Variants in FBXL13 observed in about 807,000 individuals in gnomAD.
The protein encoded by FBXL13 is F-box and leucine rich repeat protein 13.
FBXL13 carries 67 observed loss-of-function variants against 83.6 expected under a neutral mutation model. That is an observed-to-expected ratio of 0.80 (90% CI 0.66 to 0.98). FBXL13 has a LOEUF of 0.98. FBXL13 is among the 50% of genes least tolerant of loss of function. The pLI, the probability that FBXL13 is intolerant of heterozygous loss-of-function variation, is 0.00. For missense variants in FBXL13, 822 were observed against 866.5 expected (o/e 0.95, Z 0.64); for synonymous variants, 272 against 299.5 (o/e 0.91, Z 0.95).
At chr7:102,958,834 G>A (rs1453544485) in intron 8 of FBXL13, among the ~76,000 whole-genome samples, 10 of 151,884 alleles carry the variant, frequency 6.6e-5, no homozygotes, top group Non-Finnish European at 1.0e-4. Flanking sequence ...CAGACAGAAT[G>A]AGGAACATGC....
At chr7:102,831,902 T>C (rs779808269) in intron 18 of FBXL13, among the ~76,000 whole-genome samples, 1 of 152,230 alleles carries the variant, frequency 6.6e-6, no homozygotes, top group African/African-American at 2.4e-5. Flanking sequence ...CAGTCTACTA[T>C]TATTAATCCA....
At chr7:102,836,676 A>G (rs534077471) in intron 17 of FBXL13, among the ~76,000 whole-genome samples, 5 of 152,372 alleles carry the variant, frequency 3.3e-5, no homozygotes, top group Admixed American at 3.3e-4. Context: ...CATATCTCTT[A>G]GCGAGTTAGA....
intron 18 of FBXL13, among the ~76,000 whole-genome samples, chr7:102,826,821 TATATAA>T (rs1799817279): frequency 7.1e-6 from 1 of 140,974 alleles, no homozygotes. Context: ...ATGTATCTTA[TATATAA>T]TAAATATATC....
intron 10 of FBXL13, among the ~76,000 whole-genome samples, chr7:102,921,763 A>G (rs182897426): frequency 6.6e-6 from 1 of 152,376 alleles, no homozygotes; most frequent in African/African-American, 2.4e-5. Flanking sequence ...AAACTAGTCT[A>G]CCAAGAAATC....
At chr7:102,974,984 A>C (rs535660063) in intron 6 of FBXL13, among the ~76,000 whole-genome samples, 17 of 152,112 alleles carry the variant, frequency 1.1e-4, no homozygotes, top group Non-Finnish European at 1.9e-4. Flanking sequence ...GAAGCCTGTA[A>C]ACCCATCCCA....
chr7:102,883,353 A>G, exon 14 of FBXL13: 2 of 1,613,594 alleles, frequency 1.2e-6, no homozygotes, highest in South Asian at 1.1e-5. Flanking sequence ...CAAAGGTGAA[A>G]GGGATCTGAG....
At chr7:103,043,643 C>T (rs1411695273) in intron 2 of FBXL13, among the ~76,000 whole-genome samples, 1 of 152,192 alleles carries the variant, frequency 6.6e-6, no homozygotes, top group Non-Finnish European at 1.5e-5. Flanking sequence ...TCCCAAGTAG[C>T]TGGGATTACA....
At position 103,036,863 on chromosome 7, in the gene FBXL13, A is replaced by C. The variant is rs1238895394; in HGVS notation, c.1-7445T>G. On this transcript the variant is annotated intron_variant, in intron 2 of 19. Transcript: ENST00000313221. ...CTTTTGTGCCTGGACAGAAACGCTCACTAACATTTGTACTTTAATGCTTTT... is the reference window on the plus strand; with the variant it reads ...CTTTTGTGCCTGGACAGAAACGCTCCCTAACATTTGTACTTTAATGCTTTT... 2.6e-5 allele frequency among the ~76,000 whole-genome samples: 4 copies of C among 152,202 alleles called. No individual in the cohort carries two copies. In the East Asian group the frequency reaches 7.7e-4, roughly 29 times the overall value.
At chr7:102,892,582 A>AT (rs1417477470) in intron 11 of FBXL13, among the ~76,000 whole-genome samples, 1 of 152,130 alleles carries the variant, frequency 6.6e-6, no homozygotes, top group African/African-American at 2.4e-5. Context: ...TTGCACTGTG[A>AT]TTTTTTTGAC....
rs1260631751 is a variant in FBXL13 at position 102,931,482 on chromosome 7, A to ACAGGAAC, written c.777+392_777+398dup. On this transcript the variant is annotated intron_variant, in intron 9 of 19. Coordinates refer to ENST00000313221, the Ensembl canonical transcript of FBXL13. ...TTGGGGACAGAGGGAAAGACTGGAG[A>ACAGGAAC]CAGGAACCAGGAAGAAAGCAACTAG... Among the ~76,000 whole-genome samples the ACAGGAAC allele has an allele frequency of 3.3e-5, 5 of 152,206 alleles. No homozygotes were observed. In the South Asian group the frequency reaches 1.0e-3, roughly 32 times the overall value.
At chr7:102,991,906 T>C (rs1829602664) in intron 6 of FBXL13, among the ~76,000 whole-genome samples, 1 of 152,204 alleles carries the variant, frequency 6.6e-6, no homozygotes, top group Admixed American at 6.5e-5. Context: ...GCTCTGCTCC[T>C]GACTGCATTA....
intron 14 of FBXL13, among the ~76,000 whole-genome samples, chr7:102,878,984 T>C (rs1469159393): frequency 1.3e-5 from 2 of 152,244 alleles, no homozygotes; most frequent in African/African-American, 4.8e-5. Flanking sequence ...CAAACTATCC[T>C]AATCAGAAAC....
At chr7:103,038,681 T>A (rs1317835613) in intron 2 of FBXL13, among the ~76,000 whole-genome samples, 1 of 152,148 alleles carries the variant, frequency 6.6e-6, no homozygotes, top group Non-Finnish European at 1.5e-5. Flanking sequence ...GCAAACAAGG[T>A]CTGGAGTGGA....
intron 19 of FBXL13, among the ~76,000 whole-genome samples, chr7:102,814,820 TA>T (rs1412773600): frequency 2.6e-5 from 4 of 152,244 alleles, no homozygotes; most frequent in Non-Finnish European, 5.9e-5. Context: ...GTTAATTTTT[TA>T]AATCTTTTTT....
In FBXL13 at chr7:102,863,931, A is replaced by C. The variant is rs564825032; in HGVS notation, c.1636-9071T>G. ...GCCCTACCAATGCCACCCCCTAAAT[A>C]TCTCTCAAATCTGCCCCCTCTGCCG... is the stretch of plus-strand genomic sequence containing the variant. On this transcript the variant is annotated intron_variant, in intron 16 of 19. Coordinates refer to ENST00000313221, the Ensembl canonical transcript of FBXL13. Among the ~76,000 whole-genome samples, 582 of 151,744 alleles carry C rather than the reference A, an allele frequency of 3.8e-3. 8 individuals are homozygous for C. Among genetic ancestry groups the C allele is most frequent in the South Asian group, 0.026 (124 of 4,778 alleles).
intron 1 of FBXL13, among the ~76,000 whole-genome samples, chr7:103,065,459 T>G (rs1258383724): frequency 2.0e-5 from 3 of 152,210 alleles, no homozygotes; most frequent in African/African-American, 7.2e-5. Flanking sequence ...AAAGTTCTCA[T>G]GTCCCTCTCC....
chr7:102,907,953 T>C (rs1691601906), intron 11 of FBXL13, among the ~76,000 whole-genome samples: 1 of 152,194 alleles, frequency 6.6e-6, no homozygotes. Flanking sequence ...GGAACACTTT[T>C]ACATTGTCGG....
rs183437686 is a variant in FBXL13 at position 103,029,110 on chromosome 7, A to G, written c.68+241T>C. 2.0e-5 allele frequency among the ~76,000 whole-genome samples: 3 copies of G among 151,396 alleles called. No individual in the cohort carries two copies. In the Admixed American group the frequency reaches 2.0e-4, roughly 10 times the overall value. ...AGATAAGTGGACTGTGAAACTAACT[A>G]TATTTTAATTTTAAAGTTTTATTTT... On this transcript the variant is annotated intron_variant, in intron 3 of 19. Transcript: ENST00000313221.
At chr7:102,915,135 T>C (rs938546265) in intron 10 of FBXL13, among the ~76,000 whole-genome samples, 6 of 151,444 alleles carry the variant, frequency 4.0e-5, no homozygotes, top group Non-Finnish European at 8.8e-5. Context: ...TTTTTTTTTT[T>C]TTTTTTTACA....
Sources: allele counts gnomAD v4.1 joint callset (sites outside exome capture counted in the v4.1 genomes callset), GRCh38; gene constraint gnomAD v4.1.1; transcripts MANE v1.5; gene names NCBI Gene and HGNC (gene_info 2026-07-23, HGNC 2026-07-21).